The following RFFL variants were observed in gnomAD, a reference collection of about 807,000 sequenced individuals.
The protein encoded by RFFL is E3 ubiquitin-protein ligase rififylin.
A neutral mutation model predicts 40.4 loss-of-function variants in RFFL; 16 were observed. The ratio of observed to expected loss-of-function variants is 0.40; its 90% confidence interval spans 0.27 to 0.60. The LOEUF (loss-of-function observed/expected upper bound fraction) is 0.60. Ranked by LOEUF, RFFL falls within the 20% of genes least tolerant of loss-of-function variation. The pLI, the probability that RFFL is intolerant of heterozygous loss-of-function variation, is 0.47. For missense variants in RFFL, 367 were observed against 451.7 expected (o/e 0.81, Z 1.70); for synonymous variants, 154 against 167.9 (o/e 0.92, Z 0.64).
chr17:35,032,820 G>C (rs1282437147), intron 1 of RFFL, among the ~76,000 whole-genome samples: 2 of 152,054 alleles, frequency 1.3e-5, no homozygotes, highest in African/African-American at 4.8e-5. Flanking sequence ...GCTCAGAGCA[G>C]GGGGAACTGG....
At chr17:35,039,281 G>A (rs1311815928) in intron 1 of RFFL, among the ~76,000 whole-genome samples, 2 of 151,966 alleles carry the variant, frequency 1.3e-5, no homozygotes, top group African/African-American at 2.4e-5. Flanking sequence ...GTGCAGTGGC[G>A]CAACCTCGGC....
upstream of RFFL, among the ~76,000 whole-genome samples, chr17:35,067,638 A>G (rs1163971864): frequency 6.6e-6 from 1 of 151,574 alleles, no homozygotes; most frequent in Admixed American, 6.6e-5. Flanking sequence ...TATTTTTAGT[A>G]GAGACGGAGT....
intron 1 of RFFL, among the ~76,000 whole-genome samples, chr17:35,032,094 CAAA>C (rs11308568): frequency 1.1e-4 from 9 of 82,152 alleles, no homozygotes; most frequent in Admixed American, 4.2e-4. Context: ...GACTCCGTCT[CAAA>C]AAAAAAAAAA....
intron 1 of RFFL, among the ~76,000 whole-genome samples, chr17:35,027,340 T>G (rs778342502): frequency 6.6e-6 from 1 of 152,226 alleles, no homozygotes; most frequent in Non-Finnish European, 1.5e-5. Flanking sequence ...TTATTCATTA[T>G]GTACAGTACT....
At chr17:35,015,438 G>A (rs2090967407) in intron 5 of RFFL, among the ~76,000 whole-genome samples, 1 of 152,212 alleles carries the variant, frequency 6.6e-6, no homozygotes, top group Non-Finnish European at 1.5e-5. Context: ...TTCCCACGTG[G>A]AGTCATCTGT....
chr17:35,070,754 C>G (rs889306289), intron 1 of RFFL, among the ~76,000 whole-genome samples: 1 of 152,146 alleles, frequency 6.6e-6, no homozygotes, highest in African/African-American at 2.4e-5. Flanking sequence ...AGCCAGTCAG[C>G]AGACCACTGT....
At chr17:35,065,769 T>G (rs933132983), upstream of RFFL, among the ~76,000 whole-genome samples, 21 of 152,264 alleles carry the variant, frequency 1.4e-4, no homozygotes, top group African/African-American at 4.6e-4. Context: ...TGCCCCAAAT[T>G]ATAGCCACAC....
intron 1 of RFFL, among the ~76,000 whole-genome samples, chr17:35,027,724 CA>C (rs34594614): frequency 0.15 from 13,821 of 90,208 alleles, 746 homozygotes; most frequent in Middle Eastern, 0.22. Flanking sequence ...AACTCCGTCT[CA>C]AAAAAAAAAA....
chr17:35,049,546 T>C (rs1046470702), intron 1 of RFFL, among the ~76,000 whole-genome samples: 1 of 152,162 alleles, frequency 6.6e-6, no homozygotes, highest in African/African-American at 2.4e-5. Flanking sequence ...GCTGCTGAGA[T>C]TGTTTATCAG....
At chr17:35,072,513 G>A (rs1329497494) in intron 1 of RFFL, among the ~76,000 whole-genome samples, 1 of 151,988 alleles carries the variant, frequency 6.6e-6, no homozygotes, top group Non-Finnish European at 1.5e-5. Flanking sequence ...GGGGATCTTT[G>A]TGGTGGTAGA....
At chr17:35,068,555 T>C (rs1274535671), upstream of RFFL, among the ~76,000 whole-genome samples, 1 of 152,216 alleles carries the variant, frequency 6.6e-6, no homozygotes, top group Non-Finnish European at 1.5e-5. Flanking sequence ...ACCCAGTCTG[T>C]CCCCACTGGT....
chr17:35,006,020 A>G lies in RFFL; in HGVS notation c.*5948T>C, dbSNP rs576991518. 4.0e-6 allele frequency: 1 copy of G among 250,958 alleles called. No individual in the cohort carries two copies. Among genetic ancestry groups the G allele is most frequent in the Non-Finnish European group, 7.8e-6 (1 of 128,410 alleles). 15.5% of individuals were successfully genotyped at this position (250,958 alleles called of 1,614,324 possible). ...TTTTCTTCTTAGTTTTTAATTTCTTAAAGAAAATATACTCCATATCTGCAG... is the reference window on the plus strand; with the variant it reads ...TTTTCTTCTTAGTTTTTAATTTCTTGAAGAAAATATACTCCATATCTGCAG... On this transcript the variant is annotated 3_prime_UTR_variant, in exon 7 of 7. Coordinates refer to ENST00000394597, the MANE Select transcript of RFFL (RefSeq NM_001017368.2).
rs1404786648 is a variant in RFFL at position 35,008,396 on chromosome 17, G to A, written c.*3572C>T. The A allele has an allele frequency of 5.3e-5, 8 of 152,098 alleles. No individual in the cohort carries two copies. Among genetic ancestry groups the A allele is most frequent in the East Asian group, 1.9e-4 (1 of 5,168 alleles). 9.4% of individuals were successfully genotyped at this position (152,098 alleles called of 1,614,324 possible). A position where few individuals can be genotyped will look rare whatever the true frequency, so the allele number is the denominator to read the frequency against. On this transcript the variant is annotated 3_prime_UTR_variant, in exon 7 of 7. Transcript: ENST00000394597. ...CAACCACAGGCTAATCCCAGGCCAT[G>A]TGCACATCCCAGGATTAGCTTGTGG...
At chr17:35,039,683 C>CTT (rs905514540) in intron 1 of RFFL, among the ~76,000 whole-genome samples, 2 of 147,270 alleles carry the variant, frequency 1.4e-5, no homozygotes. Flanking sequence ...TTTGACTCCA[C>CTT]TTTTTTTTTT....
At chr17:35,037,785 G>C (rs952390912) in intron 1 of RFFL, among the ~76,000 whole-genome samples, 18 of 152,122 alleles carry the variant, frequency 1.2e-4, no homozygotes, top group African/African-American at 4.1e-4. Context: ...AAATCAATCT[G>C]TCTACCCTGT....
chr17:35,088,146 C>T (rs1018548745), intron 1 of RFFL, among the ~76,000 whole-genome samples: 4 of 152,202 alleles, frequency 2.6e-5, no homozygotes, highest in African/African-American at 9.7e-5. Context: ...ACATAAGGAA[C>T]TCACTGCTTT....
At chr17:35,081,896 A>C (rs991516925) in intron 1 of RFFL, among the ~76,000 whole-genome samples, 1 of 152,224 alleles carries the variant, frequency 6.6e-6, no homozygotes, top group Non-Finnish European at 1.5e-5. Context: ...TAAGGGTGGA[A>C]ACTTCTTTAG....
chr17:35,028,884 C>A (rs891769639), intron 1 of RFFL, among the ~76,000 whole-genome samples: 2 of 152,046 alleles, frequency 1.3e-5, no homozygotes, highest in African/African-American at 4.8e-5. Context: ...ATATAATTCG[C>A]TCCCTTGCAG....
chr17:35,022,125 C>T (rs1238682648), intron 2 of RFFL, among the ~76,000 whole-genome samples: 1 of 152,212 alleles, frequency 6.6e-6, no homozygotes, highest in Non-Finnish European at 1.5e-5. Flanking sequence ...TTAAGCCTCC[C>T]TCCCTTATTT....
Sources: gnomAD v4.1 joint callset for allele counts (sites outside exome capture counted in the v4.1 genomes callset) on GRCh38, gnomAD v4.1.1 for gene constraint, MANE v1.5 for transcripts, NCBI Gene and HGNC (gene_info 2026-07-23, HGNC 2026-07-21) for gene names.